Variants in ULK4 observed in about 807,000 individuals in gnomAD.
ULK4 encodes the protein unc-51 like kinase 4.
A neutral mutation model predicts 160.6 loss-of-function variants in ULK4; 133 were observed. That is an observed-to-expected ratio of 0.83 (90% CI 0.72 to 0.96). ULK4 has a LOEUF of 0.96. ULK4 is among the 40% of genes least tolerant of loss of function. The pLI, the probability that ULK4 is intolerant of heterozygous loss-of-function variation, is 0.00. For synonymous variants in ULK4, 534 were observed against 539.8 expected (o/e 0.99, Z 0.15); for missense variants, 1,580 against 1,499.5 (o/e 1.05, Z -0.89).
chr3:41,340,239 C>CT (rs1021830439), intron 35 of ULK4, among the ~76,000 whole-genome samples: 1 of 152,130 alleles, frequency 6.6e-6, no homozygotes, highest in Non-Finnish European at 1.5e-5. Context: ...TATTTTTGTC[C>CT]TTTTTTTCCC....
At chr3:41,785,666 A>T (rs1482816061) in intron 21 of ULK4, among the ~76,000 whole-genome samples, 2 of 152,186 alleles carry the variant, frequency 1.3e-5, no homozygotes, top group Non-Finnish European at 2.9e-5. Context: ...TCTTCCACTC[A>T]TTCTAACCTA....
intron 35 of ULK4, among the ~76,000 whole-genome samples, chr3:41,387,358 T>C (rs72866644): frequency 0.027 from 4,094 of 152,102 alleles, 172 homozygotes; most frequent in African/African-American, 0.092. Context: ...AGCTGTAATT[T>C]TGTATCTTTT....
At chr3:41,848,274 C>T (rs2042120475) in intron 17 of ULK4, among the ~76,000 whole-genome samples, 2 of 128,282 alleles carry the variant, frequency 1.6e-5, no homozygotes, top group African/African-American at 9.0e-5. Context: ...ATTTCTCATA[C>T]AGTCTTTCAG....
At chr3:41,589,470 T>C (rs1191686483) in intron 31 of ULK4, among the ~76,000 whole-genome samples, 4 of 141,138 alleles carry the variant, frequency 2.8e-5, no homozygotes, top group Non-Finnish European at 6.1e-5. Flanking sequence ...AATGAGTTAC[T>C]AGGTAGGAGT....
chr3:41,491,333 C>T (rs143852743), intron 32 of ULK4, among the ~76,000 whole-genome samples: 4 of 53,026 alleles, frequency 7.5e-5, no homozygotes, highest in Non-Finnish European at 1.8e-4. Context: ...AAATAAAATA[C>T]AACAGTAAGA....
intron 17 of ULK4, among the ~76,000 whole-genome samples, chr3:41,873,833 C>T (rs1217688276): frequency 6.6e-6 from 1 of 151,716 alleles, no homozygotes; most frequent in Non-Finnish European, 1.5e-5. Context: ...GGATTACAGG[C>T]ATGAGCCACC....
At chr3:41,742,926 A>G (rs2128836) in intron 22 of ULK4, among the ~76,000 whole-genome samples, 17,372 of 151,668 alleles carry the variant, frequency 0.11, 3,490 homozygotes, top group African/African-American at 0.39. Context: ...TCTGAAAAAC[A>G]GAGAAAAAAT....
chr3:41,636,971 GTA>G (rs1414821446), intron 30 of ULK4, among the ~76,000 whole-genome samples: 3 of 152,068 alleles, frequency 2.0e-5, no homozygotes, highest in Non-Finnish European at 4.4e-5. Flanking sequence ...ATTTTAAAAT[GTA>G]TATATTGTGT....
chr3:41,767,954 C>A (rs1438620184), intron 21 of ULK4, among the ~76,000 whole-genome samples: 1 of 152,168 alleles, frequency 6.6e-6, no homozygotes, highest in African/African-American at 2.4e-5. Flanking sequence ...CAGTACTGGC[C>A]TGTTAGGAAC....
Position 41,302,387 on chromosome 3 carries a change from G to A in ULK4, c.3679-52813C>T, listed in dbSNP as rs138317484. Among the ~76,000 whole-genome samples the A allele has an allele frequency of 9.3e-3, 1,409 of 152,212 alleles. 13 individuals are homozygous for A. The highest frequency in any genetic ancestry group is 0.032 in the African/African-American group (1,314 of 41,532). ...ATCAAGTTAGCAAGTAGGGCTTTTCGTATGTCTGGAAACCAGGAATCAGAG... is the reference window on the plus strand; with the variant it reads ...ATCAAGTTAGCAAGTAGGGCTTTTCATATGTCTGGAAACCAGGAATCAGAG... On this transcript the variant is annotated intron_variant, in intron 35 of 36. Coordinates refer to ENST00000301831, the MANE Select transcript of ULK4 (RefSeq NM_017886.4).
chr3:41,800,420 G>A (rs1014403367), intron 19 of ULK4, 127 bp from the exon 20 acceptor site: 57 of 820,924 alleles, frequency 6.9e-5, no homozygotes, highest in Non-Finnish European at 9.5e-5. Context: ...TAGGCAACTT[G>A]GGAGGAATGA....
chr3:41,687,709 GA>G (rs1437654108), intron 27 of ULK4, among the ~76,000 whole-genome samples: 1 of 152,106 alleles, frequency 6.6e-6, no homozygotes, highest in African/African-American at 2.4e-5. Context: ...TTCACCAAAG[GA>G]AAAACATCTT....
chr3:41,381,384 G>C (rs957786447), intron 35 of ULK4, among the ~76,000 whole-genome samples: 6 of 152,078 alleles, frequency 3.9e-5, no homozygotes, highest in Non-Finnish European at 2.9e-5. Context: ...CTTTCTGTTG[G>C]AATTCCAGGC....
chr3:41,760,327 G>A (rs1575661735), intron 21 of ULK4, among the ~76,000 whole-genome samples: 1 of 152,086 alleles, frequency 6.6e-6, no homozygotes, highest in African/African-American at 2.4e-5. Flanking sequence ...TGCAGAAATG[G>A]TACAGGAATC....
Position 41,907,872 on chromosome 3 carries a change from T to C in ULK4, c.1155A>G (p.Ser385=). The change falls in exon 12 of 37, where the codon TCA becomes TCG. Residue 385 remains serine (S), a synonymous_variant. Transcript: ENST00000301831. ...TGGTCAGAGGAGAAGTCTTCTGTGG[T>C]GAACAGTGAGTCATATCCTCACCAG... ...VSPGEDMTHC[S]PQKTSPLTKI... The C allele has an allele frequency of 6.2e-7, 1 of 1,601,232 alleles. No individual in the cohort carries two copies. The highest frequency in any genetic ancestry group is 2.3e-5 in the East Asian group (1 of 43,848).
intron 21 of ULK4, among the ~76,000 whole-genome samples, chr3:41,757,943 A>T (rs568273915): frequency 6.6e-6 from 1 of 152,228 alleles, no homozygotes; most frequent in East Asian, 1.9e-4. Flanking sequence ...CTCTGATTTT[A>T]CCTGCTATGG....
intron 36 of ULK4, among the ~76,000 whole-genome samples, chr3:41,247,622 C>G (rs9829967): frequency 1 from 150,121 of 150,874 alleles, 74,697 homozygotes; most frequent in Middle Eastern, 1. Context: ...GGGGTGGGGC[C>G]CTGCATAAAA....
At chr3:41,546,306 C>CCCCAAAATGCTT (rs1559383026) in intron 32 of ULK4, among the ~76,000 whole-genome samples, 1 of 152,054 alleles carries the variant, frequency 6.6e-6, no homozygotes, top group Non-Finnish European at 1.5e-5. Flanking sequence ...TCTGTTAGGA[C>CCCCAAAATGCTT]AGATCTATAT....
intron 19 of ULK4, among the ~76,000 whole-genome samples, chr3:41,809,843 T>C (rs1262483739): frequency 6.6e-6 from 1 of 152,238 alleles, no homozygotes; most frequent in Non-Finnish European, 1.5e-5. Context: ...CTTAAGTTTA[T>C]CTATTGGGAT....
Sources: gnomAD v4.1 joint callset for allele counts (sites outside exome capture counted in the v4.1 genomes callset) on GRCh38, gnomAD v4.1.1 for gene constraint, MANE v1.5 for transcripts, NCBI Gene and HGNC (gene_info 2026-07-23, HGNC 2026-07-21) for gene names.